SLX4IP: variants seen among roughly 807,000 people sequenced by gnomAD.
SLX4IP encodes SLX4 interacting protein.
Under a neutral mutation model 32.9 loss-of-function variants are expected in SLX4IP, and 34 were observed. The ratio of observed to expected loss-of-function variants is 1.03; its 90% confidence interval spans 0.79 to 1.38. The LOEUF (loss-of-function observed/expected upper bound fraction) is 1.38. Ranked by LOEUF, SLX4IP falls within the 40% of genes most tolerant of loss-of-function variation. SLX4IP has a pLI of 0.00. For missense variants in SLX4IP, 444 were observed against 479.0 expected (o/e 0.93, Z 0.68); for synonymous variants, 172 against 171.7 (o/e 1.00, Z -0.01).
intron 2 of SLX4IP, among the ~76,000 whole-genome samples, chr20:10,523,648 C>T (rs904316464): frequency 2.0e-5 from 3 of 152,208 alleles, no homozygotes; most frequent in African/African-American, 7.2e-5. Context: ...GGGCCTGGCA[C>T]GGTGCCCGGC....
rs1053050843 is a variant in SLX4IP, at chr20:10,567,270, C to T, written c.238+6450C>T. ...GGCTTGCTGTGGTGTGAAGTATCCC[C>T]CAAAATTCACACATTGGAAATGGTC... On this transcript the variant is annotated intron_variant, in intron 4 of 7. Coordinates refer to ENST00000334534, the MANE Select transcript of SLX4IP (RefSeq NM_001009608.3). 2.6e-5 allele frequency among the ~76,000 whole-genome samples: 4 copies of T among 152,100 alleles called. No homozygotes were observed. In the East Asian group the frequency reaches 7.7e-4, roughly 29 times the overall value.
At chr20:10,511,554 A>G (rs2065808029) in intron 2 of SLX4IP, among the ~76,000 whole-genome samples, 1 of 152,248 alleles carries the variant, frequency 6.6e-6, no homozygotes, top group South Asian at 2.1e-4. Context: ...GCTCTTCACC[A>G]GTAACAGCAA....
At chr20:10,504,894 C>T (rs2065746002) in intron 2 of SLX4IP, among the ~76,000 whole-genome samples, 1 of 151,948 alleles carries the variant, frequency 6.6e-6, no homozygotes, top group Admixed American at 6.5e-5. Flanking sequence ...GAAAACTGTT[C>T]CGACCTATAG....
At chr20:10,446,521 T>C (rs183337503) in intron 1 of SLX4IP, among the ~76,000 whole-genome samples, 2 of 42,542 alleles carry the variant, frequency 4.7e-5, no homozygotes, top group East Asian at 5.5e-4. Context: ...ATTTTTGGGT[T>C]GTTTAGATTG....
At chr20:10,561,878 G>A (rs776374795) in intron 4 of SLX4IP, among the ~76,000 whole-genome samples, 1 of 152,106 alleles carries the variant, frequency 6.6e-6, no homozygotes, top group Non-Finnish European at 1.5e-5. Flanking sequence ...ATGTGTGCCG[G>A]ACTTACTTCA....
intron 2 of SLX4IP, among the ~76,000 whole-genome samples, chr20:10,506,817 T>A (rs1280330180): frequency 6.6e-6 from 1 of 152,000 alleles, no homozygotes; most frequent in African/African-American, 2.4e-5. Flanking sequence ...TCAGGAGGAG[T>A]GAGGCAGCAG....
At chr20:10,521,752 C>G (rs915839934) in intron 2 of SLX4IP, among the ~76,000 whole-genome samples, 1 of 152,202 alleles carries the variant, frequency 6.6e-6, no homozygotes. Context: ...CACCACATCT[C>G]TCTTCCTTCA....
chr20:10,504,762 G>T (rs1407178658), intron 2 of SLX4IP, among the ~76,000 whole-genome samples: 1 of 152,160 alleles, frequency 6.6e-6, no homozygotes, highest in Non-Finnish European at 1.5e-5. Context: ...GTGATCCACT[G>T]CCTATAGGGA....
At chr20:10,503,341 T>C (rs1158390822) in intron 2 of SLX4IP, among the ~76,000 whole-genome samples, 1 of 152,156 alleles carries the variant, frequency 6.6e-6, no homozygotes, top group African/African-American at 2.4e-5. Context: ...ATAGGTGGCC[T>C]AGAGGTGTGG....
chr20:10,438,431 T>TCGCTG (rs2065133341), intron 1 of SLX4IP, among the ~76,000 whole-genome samples: 1 of 151,422 alleles, frequency 6.6e-6, no homozygotes, highest in African/African-American at 2.4e-5. Flanking sequence ...CTCTGATCTA[T>TCGCTG]CGCTGTAGAT....
chr20:10,591,479 C>T (rs2066709584), intron 4 of SLX4IP, among the ~76,000 whole-genome samples: 1 of 152,152 alleles, frequency 6.6e-6, no homozygotes, highest in Admixed American at 6.5e-5. Flanking sequence ...TCTGTATGCA[C>T]AGGAAATTTG....
intron 4 of SLX4IP, among the ~76,000 whole-genome samples, chr20:10,592,115 G>C (rs746545427): frequency 6.6e-6 from 1 of 152,138 alleles, no homozygotes; most frequent in Non-Finnish European, 1.5e-5. Flanking sequence ...GTGACTCAGA[G>C]TCTAGTACTG....
At chr20:10,441,721 GTTTGTT>G (rs1600874430) in intron 1 of SLX4IP, among the ~76,000 whole-genome samples, 1 of 121,080 alleles carries the variant, frequency 8.3e-6, no homozygotes, top group East Asian at 2.0e-4. Flanking sequence ...AATCTGACGT[GTTTGTT>G]TTTGTTTTTT....
chr20:10,591,525 TA>T (rs2066710249), intron 4 of SLX4IP, among the ~76,000 whole-genome samples: 1 of 152,218 alleles, frequency 6.6e-6, no homozygotes, highest in South Asian at 2.1e-4. Flanking sequence ...GAACAGCTAA[TA>T]GTTCAAACAA....
intron 2 of SLX4IP, among the ~76,000 whole-genome samples, chr20:10,524,717 G>T (rs933692220): frequency 1.3e-5 from 2 of 152,298 alleles, no homozygotes; most frequent in African/African-American, 4.8e-5. Context: ...CAAGAAGGAG[G>T]ACTGGGCTCT....
intron 2 of SLX4IP, among the ~76,000 whole-genome samples, chr20:10,469,031 TA>T (rs201744535): frequency 2.0e-4 from 30 of 151,820 alleles, no homozygotes; most frequent in Admixed American, 3.9e-4. Context: ...ACAATAGCTT[TA>T]AAAAAAAATC....
intron 4 of SLX4IP, among the ~76,000 whole-genome samples, chr20:10,591,271 T>G (rs1160030598): frequency 6.6e-6 from 1 of 152,252 alleles, no homozygotes; most frequent in African/African-American, 2.4e-5. Context: ...GGTTTTAATG[T>G]GGTCCTGGCT....
chr20:10,479,933 G>A (rs368141119), intron 2 of SLX4IP, among the ~76,000 whole-genome samples: 77 of 152,162 alleles, frequency 5.1e-4, no homozygotes, highest in Middle Eastern at 3.4e-3. Flanking sequence ...GAACCAGGGC[G>A]TCAGAGGTTG....
rs1330820370 is a variant in SLX4IP at position 10,602,389 on chromosome 20, T to A, written c.405+570T>A. 2.0e-5 allele frequency among the ~76,000 whole-genome samples: 3 copies of A among 152,166 alleles called. No individual in the cohort carries two copies. In the East Asian group the frequency reaches 5.8e-4, roughly 29 times the overall value. ...AGTCTTGAGTTCCAGCAGGGCCTGC[T>A]TCTGTTTTATTGGAGTTGTCTCTTC... On this transcript the variant is annotated intron_variant, in intron 6 of 7. Coordinates refer to ENST00000334534, the MANE Select transcript of SLX4IP (RefSeq NM_001009608.3).
Sources: allele counts gnomAD v4.1 joint callset (sites outside exome capture counted in the v4.1 genomes callset), GRCh38; gene constraint gnomAD v4.1.1; transcripts MANE v1.5; gene names NCBI Gene and HGNC (gene_info 2026-07-23, HGNC 2026-07-21).